The following LUC7L2 variants were observed in gnomAD, a reference collection of about 807,000 sequenced individuals.
LUC7L2 encodes putative RNA-binding protein Luc7-like 2.
In LUC7L2, 25 loss-of-function variants were observed where a neutral mutation model predicts 52.8. That is an observed-to-expected ratio of 0.47 (90% confidence interval 0.34 to 0.66). The LOEUF (loss-of-function observed/expected upper bound fraction) is 0.66. Among genes scored for constraint, LUC7L2 ranks in the 30% least tolerant of loss-of-function variants. The pLI, the probability that LUC7L2 is intolerant of heterozygous loss-of-function variation, is 0.01. For synonymous variants in LUC7L2, 144 were observed against 160.9 expected, an observed-to-expected ratio of 0.89 and a Z score of 0.80; for missense variants, 328 against 497.8, an observed-to-expected ratio of 0.66 and a Z score of 3.25.
intron 4 of LUC7L2, among the ~76,000 whole-genome samples, chr7:139,402,815 C>T (rs560466245): frequency 5.3e-5 from 8 of 152,312 alleles, no homozygotes; most frequent in African/African-American, 9.6e-5. Flanking sequence ...TGAGCCACCA[C>T]GCCTGGCCAG....
chr7:139,366,755 T>G (rs1011680291), intron 1 of LUC7L2, among the ~76,000 whole-genome samples: 2 of 152,180 alleles, frequency 1.3e-5, no homozygotes, highest in Non-Finnish European at 2.9e-5. Flanking sequence ...AGTGTGGTCC[T>G]TGGAGCAGCA....
At chr7:139,360,636 C>T (rs1799828347) in intron 1 of LUC7L2, among the ~76,000 whole-genome samples, 1 of 152,090 alleles carries the variant, frequency 6.6e-6, no homozygotes, top group Admixed American at 6.6e-5. Context: ...AGTTGGGGGG[C>T]CCGTTTTGTC....
chr7:139,342,963 C>T (rs1799069789), intron 1 of LUC7L2, among the ~76,000 whole-genome samples: 1 of 152,192 alleles, frequency 6.6e-6, no homozygotes, highest in Non-Finnish European at 1.5e-5. Flanking sequence ...ATCCCATTTT[C>T]TCTATCCTTT....
chr7:139,415,054 GTTTTTTTTTTTTTTTT>G (rs1171809951), intron 8 of LUC7L2, among the ~76,000 whole-genome samples: 1 of 54,192 alleles, frequency 1.8e-5, no homozygotes, highest in East Asian at 5.4e-4. Context: ...GCCCTGCTAA[GTTTTTTTTTTTTTTTT>G]TTTTTTTTTT....
Position 139,349,629 on chromosome 7 carries a change from C to T in LUC7L2, c.-26+9112C>T, listed in dbSNP as rs1417684039. Among the ~76,000 whole-genome samples the T allele has an allele frequency of 3.5e-5, 5 of 141,604 alleles. No homozygotes were observed. In the East Asian group the frequency reaches 7.3e-4, roughly 21 times the overall value. The allele number at this position is 141,604 out of a possible 152,430, so 92.9% of individuals were successfully genotyped here. A position where few individuals can be genotyped will look rare whatever the true frequency, so the allele number is the denominator to read the frequency against. On this transcript the variant is annotated intron_variant, in intron 1 of 10. Transcript: ENST00000541170. ...TGTCAACTGCTCCCCCCCCCCCCACCGGATTTTCCTTTAATAGTACTTAAA... is the reference window on the plus strand; with the variant it reads ...TGTCAACTGCTCCCCCCCCCCCCACTGGATTTTCCTTTAATAGTACTTAAA...
In LUC7L2 at chr7:139,350,191, T is replaced by G. The variant is rs368673381; in HGVS notation, c.-26+9674T>G. ...GGCTGGAGTGCAGTGGCGCGATCTCTGCTCACTGCAAGCTCCGCCTCCCGG... is the reference window on the plus strand; with the variant it reads ...GGCTGGAGTGCAGTGGCGCGATCTCGGCTCACTGCAAGCTCCGCCTCCCGG... On this transcript the variant is annotated intron_variant, in intron 1 of 10. Coordinates refer to the LUC7L2 transcript ENST00000541170. 5.3e-4 allele frequency among the ~76,000 whole-genome samples: 80 copies of G among 151,968 alleles called. No homozygotes were observed. The East Asian group carries it at 6.6e-3, about 13-fold the overall frequency.
chr7:139,416,311 T>C (rs1178389880), intron 8 of LUC7L2: 1 of 151,724 alleles, frequency 6.6e-6, no homozygotes, highest in Admixed American at 6.6e-5. Flanking sequence ...TGTGACCTGG[T>C]GGAGGCTATA....
chr7:139,361,168 G>A (rs1400963299), intron 1 of LUC7L2, among the ~76,000 whole-genome samples: 3 of 152,164 alleles, frequency 2.0e-5, no homozygotes, highest in South Asian at 2.1e-4. Context: ...ATGAAATGCT[G>A]TTGCTTTTTT....
intron 1 of LUC7L2, among the ~76,000 whole-genome samples, chr7:139,371,741 A>G (rs1023297207): frequency 1.3e-5 from 2 of 152,182 alleles, no homozygotes. Context: ...CCCTCCTGAT[A>G]TATGGAAGGG....
At chr7:139,359,077 G>A (rs1054371720), upstream of LUC7L2, 5 of 152,272 alleles carry the variant, frequency 3.3e-5, no homozygotes, top group Admixed American at 1.3e-4. Context: ...CCACGCCATA[G>A]CAGACGTGTG....
intron 6 of LUC7L2, 39 bp downstream of exon 6, chr7:139,407,389 C>A: frequency 6.3e-7 from 1 of 1,574,934 alleles, no homozygotes; most frequent in South Asian, 1.2e-5. Context: ...TCCTCTTGTT[C>A]TTTTGATCTG....
At chr7:139,375,247 T>G in intron 1 of LUC7L2, 1 of 984,914 alleles carries the variant, frequency 1.0e-6, no homozygotes, top group Non-Finnish European at 1.2e-6. Context: ...ATAGCCATAT[T>G]TGATAAGCAG....
At chr7:139,374,854 G>A (rs1800625425) in intron 1 of LUC7L2, 3 of 1,002,416 alleles carry the variant, frequency 3.0e-6, no homozygotes, top group South Asian at 4.4e-5. Context: ...AAGGGGTAAA[G>A]TTTTAATCTT....
In LUC7L2 at chr7:139,360,196, A is replaced by C; in HGVS notation, c.-66A>C. The C allele has an allele frequency of 7.9e-7, 1 of 1,258,254 alleles. No homozygotes were observed. Among genetic ancestry groups the C allele is most frequent in the Non-Finnish European group, 1.1e-6 (1 of 900,406 alleles). 77.9% of individuals were successfully genotyped at this position (1,258,254 alleles called of 1,614,324 possible). On this transcript the variant is annotated 5_prime_UTR_variant, in exon 1 of 10. Transcript: ENST00000354926. ...GCACCTTCCCCCATCCCTTCCCCTTATCCCCCAGCCCAAAAGGGCCCGGTC... is the reference window on the plus strand; with the variant it reads ...GCACCTTCCCCCATCCCTTCCCCTTCTCCCCCAGCCCAAAAGGGCCCGGTC...
intron 1 of LUC7L2, among the ~76,000 whole-genome samples, chr7:139,362,730 T>C (rs1458193377): frequency 6.6e-6 from 1 of 151,668 alleles, no homozygotes; most frequent in Non-Finnish European, 1.5e-5. Flanking sequence ...GTCCTGTCTG[T>C]GAAGGAATCT....
At chr7:139,405,866 T>C (rs1795091605) in intron 5 of LUC7L2, 79 bp downstream of exon 5, 2 of 1,457,680 alleles carry the variant, frequency 1.4e-6, no homozygotes, top group Admixed American at 2.7e-5. Context: ...GAAACTTCAG[T>C]ATCTATACTT....
chr7:139,351,066 A>G (rs1799445180), intron 1 of LUC7L2, among the ~76,000 whole-genome samples: 1 of 152,080 alleles, frequency 6.6e-6, no homozygotes, highest in African/African-American at 2.4e-5. Context: ...GGTCCAGACC[A>G]AGGTCCTTAT....
At chr7:139,373,983 A>AT (rs1452649115) in intron 1 of LUC7L2, among the ~76,000 whole-genome samples, 1 of 152,200 alleles carries the variant, frequency 6.6e-6, no homozygotes, top group African/African-American at 2.4e-5. Flanking sequence ...TAGGGTACAG[A>AT]TTTAAAATGA....
chr7:139,375,224 A>T, intron 1 of LUC7L2: 1 of 984,754 alleles, frequency 1.0e-6, no homozygotes, highest in Non-Finnish European at 1.2e-6. Flanking sequence ...AGATTCTTTA[A>T]CGTTTTGAGT....
Sources: allele counts gnomAD v4.1 joint callset (sites outside exome capture counted in the v4.1 genomes callset), GRCh38; gene constraint gnomAD v4.1.1; transcripts MANE v1.5; gene names NCBI Gene and HGNC (gene_info 2026-07-23, HGNC 2026-07-21).